The following ARHGEF10L variants were observed in gnomAD, a reference collection of about 807,000 sequenced individuals.
The protein encoded by ARHGEF10L is Rho guanine nucleotide exchange factor 10 like.
Under a neutral mutation model 141.2 loss-of-function variants are expected in ARHGEF10L, and 69 were observed. That is an observed-to-expected ratio of 0.49 (90% CI 0.40 to 0.60). The LOEUF (loss-of-function observed/expected upper bound fraction) is 0.60, where lower values mean the gene tolerates loss of function less well. Ranked by LOEUF, ARHGEF10L falls within the 20% of genes least tolerant of loss-of-function variation. The pLI, the probability that ARHGEF10L is intolerant of heterozygous loss-of-function variation, is 0.00. For missense variants in ARHGEF10L, 1,482 were observed against 1,734.3 expected, an observed-to-expected ratio of 0.85 and a Z score of 2.58; for synonymous variants, 711 against 718.5, an observed-to-expected ratio of 0.99 and a Z score of 0.17.
At position 17,620,098 on chromosome 1, in the gene ARHGEF10L, G is replaced by A. The variant is rs556913282; in HGVS notation, c.942+653G>A. Among the ~76,000 whole-genome samples, 3 of 152,102 alleles carry A rather than the reference G, an allele frequency of 2.0e-5. No homozygotes were observed. In the East Asian group the frequency reaches 5.8e-4, roughly 29 times the overall value. On this transcript the variant is annotated intron_variant, in intron 10 of 28. Coordinates refer to ENST00000361221, the MANE Select transcript of ARHGEF10L (RefSeq NM_018125.4). Reference sequence around the variant, plus strand: ...CACGCTTGTAGTCTCAGCTATTCGGGAGGCTGAGGCAGGAGAATCACTTGA... The same window carrying A: ...CACGCTTGTAGTCTCAGCTATTCGGAAGGCTGAGGCAGGAGAATCACTTGA...
intron 15 of ARHGEF10L, among the ~76,000 whole-genome samples, chr1:17,629,166 A>G (rs2060542014): frequency 6.6e-6 from 1 of 151,356 alleles, no homozygotes; most frequent in Non-Finnish European, 1.5e-5. Context: ...GACTACAAGC[A>G]CGAGCTACCA....
chr1:17,649,967 C>T (rs183620386), intron 22 of ARHGEF10L, among the ~76,000 whole-genome samples: 33 of 152,286 alleles, frequency 2.2e-4, no homozygotes, highest in African/African-American at 7.2e-4. Context: ...GCCAGCCTTG[C>T]AGGCTGGGTC....
rs754217317 is a variant in ARHGEF10L at position 17,696,840 on chromosome 1, T to G, written c.3308-8T>G. The G allele has an allele frequency of 6.6e-7, 1 of 1,525,188 alleles. No homozygotes were observed. The highest frequency in any genetic ancestry group is 8.8e-7 in the Non-Finnish European group (1 of 1,135,248). The allele number at this position is 1,525,188 out of a possible 1,614,324, so 94.5% of individuals were successfully genotyped here. A position where few individuals can be genotyped will look rare whatever the true frequency, so the allele number is the denominator to read the frequency against. On this transcript the variant is annotated splice_polypyrimidine_tract_variant and splice_region_variant and intron_variant, in intron 28 of 28. Coordinates refer to ENST00000361221, the MANE Select transcript of ARHGEF10L (RefSeq NM_018125.4). ...GGGCCCCTTTCTCTCTCGCCCCATT[T>G]TCTGCAGGGAAAGGCATGGTCTCAC... is the stretch of plus-strand genomic sequence containing the variant.
chr1:17,568,589 C>T (rs2100312362), intron 1 of ARHGEF10L, among the ~76,000 whole-genome samples: 1 of 152,286 alleles, frequency 6.6e-6, no homozygotes, highest in Middle Eastern at 3.4e-3. Context: ...TCTCTGCCTG[C>T]AGGATGTCGG....
In ARHGEF10L at chr1:17,619,423, C is replaced by T; in HGVS notation, c.920C>T (p.Pro307Leu). 6.2e-7 allele frequency: 1 copy of T among 1,610,342 alleles called. No homozygotes were observed. Among genetic ancestry groups the T allele is most frequent in the Non-Finnish European group, 8.5e-7 (1 of 1,178,900 alleles). The change falls in exon 10 of 29, where the codon CCA (proline) becomes CTA (leucine). Residue 307 changes from proline to leucine, a missense_variant. Around this residue, in one of 3 missense-constraint regions of ARHGEF10L, gnomAD observed 392 missense variants for 542.1 expected, o/e 0.72. Coordinates refer to ENST00000361221, the MANE Select transcript of ARHGEF10L (RefSeq NM_018125.4). This position sits in a 1 kb window ranked among gnomAD's most constrained non-coding sequence, Gnocchi z 5.0. ...CCAGCCCCAGAGCTGGGCCCCATGC[C>T]AGAGGGCCTGAGCCCTCAGCAGGTC... The part of the protein sequence containing the change: ...KPPAPELGPM[P>L]EGLSPQQVVR...
Position 17,673,006 on chromosome 1 carries a change from C to G in ARHGEF10L, c.3009+8411C>G, listed in dbSNP as rs558191853. ...TTTCCTGTGTCTAGCACTTGGATTC[C>G]CCCCAACCAGAAGATTTAGGTGATG... On this transcript the variant is annotated intron_variant, in intron 26 of 28. Coordinates refer to ENST00000361221, the MANE Select transcript of ARHGEF10L (RefSeq NM_018125.4). This position sits in a 1 kb window ranked among gnomAD's most constrained non-coding sequence, Gnocchi z 4.1. Among the ~76,000 whole-genome samples, 59 of 152,124 alleles carry G rather than the reference C, an allele frequency of 3.9e-4. No individual in the cohort carries two copies. The Middle Eastern group carries it at 0.02, about 53-fold the overall frequency.
At chr1:17,523,010 C>T in the ARHGEF10L span, among the ~76,000 whole-genome samples, 1 of 151,986 alleles carries the variant, frequency 6.6e-6, no homozygotes, top group African/African-American at 2.4e-5. Flanking sequence ...ATGGAAGGAT[C>T]TCCTGAGCCC....
intron 26 of ARHGEF10L, among the ~76,000 whole-genome samples, chr1:17,675,482 CAGGTGTGTGTGTAT>C: frequency 6.9e-6 from 1 of 144,884 alleles, no homozygotes; most frequent in Non-Finnish European, 1.5e-5. Context: ...GGTGTGTGTG[CAGGTGTGTGTGTAT>C]AGGTGTGTGG....
chr1:17,536,936 C>T (rs2076584223), upstream of ARHGEF10L, among the ~76,000 whole-genome samples: 1 of 152,078 alleles, frequency 6.6e-6, no homozygotes, highest in Admixed American at 6.6e-5. Flanking sequence ...GCGGTGGGAT[C>T]ATGGCTCACT....
rs1031868013 is a variant in ARHGEF10L, at chr1:17,640,155, C to A, written c.2172-47C>A. On this transcript the variant is annotated intron_variant, in intron 20 of 28. Transcript: ENST00000361221. Reference sequence around the variant, plus strand: ...CTACGTGACAGCTGGGGGAGCCTGGCCCTTGTGTGGGTACTCACACATCCA... The same window carrying A: ...CTACGTGACAGCTGGGGGAGCCTGGACCTTGTGTGGGTACTCACACATCCA... 3.2e-6 allele frequency: 5 copies of A among 1,579,188 alleles called. No homozygotes were observed. In the African/African-American group the frequency reaches 5.4e-5, roughly 17 times the overall value.
In ARHGEF10L at chr1:17,592,136, A is replaced by G. The variant is rs570260789; in HGVS notation, c.257+3657A>G. On this transcript the variant is annotated intron_variant, in intron 4 of 28. Coordinates refer to ENST00000361221, the MANE Select transcript of ARHGEF10L (RefSeq NM_018125.4). ...GAAAGAGCAGCCCTGAGTACCCAGC[A>G]GTGCCTGGGAAACGTGAGCGCCACA... Among the ~76,000 whole-genome samples the G allele has an allele frequency of 1.2e-4, 18 of 152,320 alleles. No individual in the cohort carries two copies. In the South Asian group the frequency reaches 3.3e-3, roughly 28 times the overall value.
rs116760294 is a variant in ARHGEF10L at position 17,540,468 on chromosome 1, C to T, written c.-44+518C>T. On this transcript the variant is annotated intron_variant, in intron 1 of 28. Transcript: ENST00000361221. ...ACTGTGGGAGGAGAGGATGCCGGGT[C>T]AGCCGGAGGCCGTGGCTGCGGAGCC... is the stretch of plus-strand genomic sequence containing the variant. Among the ~76,000 whole-genome samples the T allele has an allele frequency of 9.3e-3, 1,417 of 152,168 alleles. 12 individuals carry two copies. The highest frequency in any genetic ancestry group is 0.016 in the Non-Finnish European group (1,103 of 67,972).
upstream of ARHGEF10L, among the ~76,000 whole-genome samples, chr1:17,537,025 G>A (rs760356585): frequency 7.4e-5 from 11 of 148,530 alleles, 1 homozygote; most frequent in Admixed American, 3.4e-4. Context: ...ATGCACTACC[G>A]CATCTGGCTA....
intron 2 of ARHGEF10L, among the ~76,000 whole-genome samples, chr1:17,586,187 A>G (rs893417003): frequency 6.6e-6 from 1 of 152,208 alleles, no homozygotes; most frequent in African/African-American, 2.4e-5. Context: ...GAGAAAACCT[A>G]AGCTGCAGCT....
the ARHGEF10L span, among the ~76,000 whole-genome samples, chr1:17,514,623 C>T: frequency 6.6e-6 from 1 of 152,166 alleles, no homozygotes; most frequent in Non-Finnish European, 1.5e-5. Context: ...ATTGGGACAC[C>T]CCTTTATGGA....
Position 17,561,877 on chromosome 1 carries a change from T to A in ARHGEF10L, c.-43-18676T>A, listed in dbSNP as rs147547917. Among the ~76,000 whole-genome samples the A allele has an allele frequency of 2.0e-5, 3 of 152,352 alleles. No homozygotes were observed. In the East Asian group the frequency reaches 5.8e-4, roughly 29 times the overall value. ...GTCCTGGCAGAGCTCCTGTTAGCTG[T>A]CGACCACAGCTGCTCAATCGGGAAG... On this transcript the variant is annotated intron_variant, in intron 1 of 28. Transcript: ENST00000361221.
chr1:17,587,633 A>G lies in ARHGEF10L; in HGVS notation c.211A>G (p.Ile71Val), dbSNP rs775941270. The change falls in exon 3 of 29, where the codon ATC becomes GTC. Residue 71 changes from isoleucine (I) to valine (V), a missense_variant. Coordinates refer to ENST00000361221, the MANE Select transcript of ARHGEF10L (RefSeq NM_018125.4). ...CCCCCCACTGATCCACTTGGACTCC[A>G]TCCCTGTCACTGGTAAGATGTTTCT... ...TDPPLIHLDSIPVTDPDPAAA... is the reference protein window; with the variant it reads ...TDPPLIHLDSVPVTDPDPAAA... The G allele has an allele frequency of 6.2e-7, 1 of 1,611,398 alleles. No individual in the cohort carries two copies. Among genetic ancestry groups the G allele is most frequent in the Admixed American group, 1.7e-5 (1 of 59,554 alleles).
chr1:17,575,521 T>C (rs2078184435), intron 1 of ARHGEF10L, among the ~76,000 whole-genome samples: 1 of 152,180 alleles, frequency 6.6e-6, no homozygotes, highest in Non-Finnish European at 1.5e-5. Flanking sequence ...GGTGGCATGG[T>C]CATGGGGCTG....
At chr1:17,561,272 C>A (rs77898519) in intron 1 of ARHGEF10L, among the ~76,000 whole-genome samples, 2,956 of 152,288 alleles carry the variant, frequency 0.019, 96 homozygotes, top group African/African-American at 0.067. Flanking sequence ...CTGCACCTCC[C>A]CCCCGCCCCG....
Sources: gnomAD v4.1 joint callset for allele counts (sites outside exome capture counted in the v4.1 genomes callset) on GRCh38, gnomAD v4.1.1 for gene constraint, gnomAD v4.1.1 regional missense constraint, Gnocchi (gnomAD v3.1) non-coding constraint, MANE v1.5 for transcripts, NCBI Gene and HGNC (gene_info 2026-07-23, HGNC 2026-07-21) for gene names.